TTLL4: variants seen among roughly 807,000 people sequenced by gnomAD.
TTLL4 encodes tubulin tyrosine ligase like 4.
TTLL4 carries 85 observed loss-of-function variants against 122.7 expected under a neutral mutation model. The ratio of observed to expected loss-of-function variants is 0.69; its 90% CI spans 0.58 to 0.83. The LOEUF is 0.83. Among genes scored for constraint, TTLL4 ranks in the 40% least tolerant of loss-of-function variants. The pLI is 0.00. For missense variants in TTLL4, 1,363 were observed against 1,488.6 expected (o/e 0.92, Z 1.39); for synonymous variants, 553 against 563.0 (o/e 0.98, Z 0.25).
chr2:218,740,636 A>G, intron 5 of TTLL4, 52 bp downstream of exon 5: 1 of 1,590,040 alleles, frequency 6.3e-7, no homozygotes, highest in Non-Finnish European at 8.6e-7. Flanking sequence ...TGTCTCTTAA[A>G]GATTATAAAG....
At chr2:218,749,430 T>C in intron 14 of TTLL4, 43 bp downstream of exon 14, 1 of 1,607,410 alleles carries the variant, frequency 6.2e-7, no homozygotes, top group Admixed American at 1.7e-5. Context: ...ATCCTTCCAT[T>C]ATTCTCACGC....
rs756701876 is a variant in TTLL4, at chr2:218,748,837, G to T, written c.2503G>T (p.Ala835Ser). 53 of 1,613,830 alleles carry T rather than the reference G, an allele frequency of 3.3e-5. 1 individual carries two copies. The South Asian group carries it at 5.8e-4, about 18-fold the overall frequency. ...DEMACQGHKW[A>S]LKALWNYLSQ... ...ATACTTCCTCTTCCTCCTCTGCAGG[G>T]CACTGAAGGCTTTGTGGAACTACCT... Residue 835 changes from alanine to serine, a missense_variant and splice_region_variant, in exon 13 of 20, where the codon GCA becomes TCA. Around this residue, in one of 3 missense-constraint regions of TTLL4, gnomAD observed 596 missense variants for 655.8 expected, o/e 0.91. Transcript: ENST00000392102.
In TTLL4 at chr2:218,751,375, G is replaced by C. The variant is rs1047442955; in HGVS notation, c.2874-329G>C. On this transcript the variant is annotated intron_variant, in intron 15 of 19. Coordinates refer to ENST00000392102, the MANE Select transcript of TTLL4 (RefSeq NM_014640.5). ...GTTGCCCAGGGTCACACAGCCAGTA[G>C]GGCAGAGTTGAGTATATAGTTAAGT... Among the ~76,000 whole-genome samples, 14 of 152,288 alleles carry C rather than the reference G, an allele frequency of 9.2e-5. No individual in the cohort carries two copies. In the East Asian group the frequency reaches 1.2e-3, roughly 13 times the overall value.
At chr2:218,721,492 A>G (rs1485245890) in intron 1 of TTLL4, among the ~76,000 whole-genome samples, 1 of 152,222 alleles carries the variant, frequency 6.6e-6, no homozygotes, top group African/African-American at 2.4e-5. Context: ...ATCTGATGCT[A>G]TCTTTAGGTA....
intron 2 of TTLL4, among the ~76,000 whole-genome samples, chr2:218,735,905 G>C (rs569448878): frequency 2.0e-5 from 3 of 149,786 alleles, no homozygotes; most frequent in African/African-American, 7.4e-5. Flanking sequence ...TCCTGACCTC[G>C]TGATCCACCT....
chr2:218,725,839 AG>A (rs989117852), intron 1 of TTLL4, among the ~76,000 whole-genome samples: 1 of 152,142 alleles, frequency 6.6e-6, no homozygotes, highest in Non-Finnish European at 1.5e-5. Context: ...TACAGATGTG[AG>A]CCACCATGCC....
intron 2 of TTLL4, among the ~76,000 whole-genome samples, chr2:218,729,171 T>G (rs1342220212): frequency 2.0e-5 from 3 of 152,066 alleles, no homozygotes; most frequent in African/African-American, 7.3e-5. Context: ...TGGCCTCAGG[T>G]GATCCGTCTG....
chr2:218,732,284 A>C (rs989308934), intron 2 of TTLL4, among the ~76,000 whole-genome samples: 2 of 152,212 alleles, frequency 1.3e-5, no homozygotes, highest in African/African-American at 4.8e-5. Flanking sequence ...TAGCCAGTAC[A>C]TAGCCTTCTA....
intron 16 of TTLL4, 95 bp from the exon 17 acceptor site, chr2:218,752,668 C>A (rs912476985): frequency 2.2e-6 from 3 of 1,358,394 alleles, no homozygotes; most frequent in African/African-American, 2.9e-5. Context: ...GCTGTAGGAC[C>A]CCAGGGGTGT....
rs1421135054 is a variant in TTLL4 at position 218,755,066 on chromosome 2, C to G, written c.*677C>G. ...GATGTCTCTCTCGTGGACATCTGTT[C>G]TTTAGCTGTTGGCTTTCTCTGAGGT... On this transcript the variant is annotated 3_prime_UTR_variant, in exon 20 of 20. Transcript: ENST00000392102. The G allele has an allele frequency of 6.6e-6, 1 of 152,534 alleles. No individual in the cohort carries two copies. The highest frequency in any genetic ancestry group is 2.4e-5 in the African/African-American group (1 of 41,426). The allele number at this position is 152,534 out of a possible 1,614,324, so 9.4% of individuals were successfully genotyped here. A position where few individuals can be genotyped will look rare whatever the true frequency, so the allele number is the denominator to read the frequency against.
chr2:218,754,360 AG>A lies in TTLL4; in HGVS notation c.3572del (p.Ser1191MetfsTer7). On this transcript the variant is annotated frameshift_variant, in exon 20 of 20. Coordinates refer to ENST00000392102, the MANE Select transcript of TTLL4 (RefSeq NM_014640.5). LOFTEE classifies it high-confidence loss of function. ...TGCTTCCTCCACTTTCCAGTCAATC[AG>A]TGACTCCCTCCTGGCTGTGAGCCCA... ...LSASSTFQSISDSLLAVSP is the reference protein window; with the variant it reads ...LSASSTFQSIXDSLLAVSP 1.9e-6 allele frequency: 3 copies of A among 1,614,176 alleles called. No homozygotes were observed. Among genetic ancestry groups the A allele is most frequent in the Non-Finnish European group, 2.5e-6 (3 of 1,180,040 alleles).
intron 2 of TTLL4, among the ~76,000 whole-genome samples, chr2:218,728,847 T>C (rs941593920): frequency 1.2e-4 from 18 of 151,922 alleles, no homozygotes; most frequent in Non-Finnish European, 2.2e-4. Flanking sequence ...TGTCTGTCTT[T>C]AGGGATGTTT....
At position 218,710,954 on chromosome 2, in the gene TTLL4, C is replaced by T. The variant is rs1941684013; in HGVS notation, c.-261C>T. 6.5e-6 allele frequency: 1 copy of T among 152,710 alleles called. No homozygotes were observed. Among genetic ancestry groups the T allele is most frequent in the Non-Finnish European group, 1.5e-5 (1 of 68,430 alleles). The allele number at this position is 152,710 out of a possible 1,614,324, so 9.5% of individuals were successfully genotyped here. ...GGCGGTGCGTGGTTGCTAGGGGCGC[C>T]TGAGGCTGCCGGGTAGCCCAGCAGG... On this transcript the variant is annotated 5_prime_UTR_variant, in exon 1 of 20. Coordinates refer to ENST00000392102, the MANE Select transcript of TTLL4 (RefSeq NM_014640.5).
At chr2:218,744,088 T>C (rs1942776870) in intron 5 of TTLL4, among the ~76,000 whole-genome samples, 1 of 152,252 alleles carries the variant, frequency 6.6e-6, no homozygotes, top group South Asian at 2.1e-4. Context: ...AAATGAGGAA[T>C]AGAGTTGAAT....
At chr2:218,756,309 G>A (rs1161759596), downstream of TTLL4, among the ~76,000 whole-genome samples, 1 of 152,122 alleles carries the variant, frequency 6.6e-6, no homozygotes, top group Non-Finnish European at 1.5e-5. Flanking sequence ...ACTGGAGAGG[G>A]AACCAGCATT....
rs574421802 is a variant in TTLL4 at position 218,727,715 on chromosome 2, C to G, written c.-99+368C>G. Among the ~76,000 whole-genome samples the G allele has an allele frequency of 3.4e-4, 52 of 152,046 alleles. No homozygotes were observed. The South Asian group carries it at 0.011, about 31-fold the overall frequency. ...CAAGTTCACACCACTGCACTCCAGC[C>G]TGGGCGACAGACAAAGTGAGACTCT... is the stretch of plus-strand genomic sequence containing the variant. On this transcript the variant is annotated intron_variant, in intron 2 of 19. Transcript: ENST00000392102.
intron 1 of TTLL4, among the ~76,000 whole-genome samples, chr2:218,718,373 C>A (rs1176014398): frequency 6.6e-6 from 1 of 151,552 alleles, no homozygotes; most frequent in Non-Finnish European, 1.5e-5. Context: ...AATAGATTTT[C>A]TTTTCTTTTT....
At position 218,738,240 on chromosome 2, in the gene TTLL4, T is replaced by C; in HGVS notation, c.564T>C (p.Ala188=). ...AACCATACCTCTGCTTGGCAGCGGCTGGGGAAAACCCTTCAGGGAAGAGCC... is the reference window on the plus strand; with the variant it reads ...AACCATACCTCTGCTTGGCAGCGGCCGGGGAAAACCCTTCAGGGAAGAGCC... ...STEPYLCLAA[A]GENPSGKSLA... Residue 188 remains alanine, a synonymous_variant, in exon 3 of 20, where the codon GCT becomes GCC. Transcript: ENST00000392102. 1 of 1,614,002 alleles carries C rather than the reference T, an allele frequency of 6.2e-7. No homozygotes were observed. Among genetic ancestry groups the C allele is most frequent in the Non-Finnish European group, 8.5e-7 (1 of 1,179,924 alleles).
At chr2:218,716,144 A>G (rs1941851314) in intron 1 of TTLL4, among the ~76,000 whole-genome samples, 1 of 152,246 alleles carries the variant, frequency 6.6e-6, no homozygotes, top group African/African-American at 2.4e-5. Context: ...TCGTGGTGGC[A>G]GATACCATTT....
Sources: gnomAD v4.1 joint callset for allele counts (sites outside exome capture counted in the v4.1 genomes callset) on GRCh38, gnomAD v4.1.1 for gene constraint, gnomAD v4.1.1 regional missense constraint, MANE v1.5 for transcripts, NCBI Gene and HGNC (gene_info 2026-07-23, HGNC 2026-07-21) for gene names.